The following SPAG16 variants were observed in gnomAD, a reference collection of about 807,000 sequenced individuals.
SPAG16 encodes sperm-associated antigen 16 protein.
Under a neutral mutation model 80.4 loss-of-function variants are expected in SPAG16, and 86 were observed. The observed-to-expected ratio is 1.07, with a 90% CI of 0.90 to 1.28. SPAG16 has a LOEUF of 1.28. Among genes scored for constraint, SPAG16 ranks in the 50% most tolerant of loss-of-function variants. The probability of loss-of-function intolerance (pLI) is 0.00; values close to 1 mark genes in which losing one functional copy is unlikely to be tolerated. For synonymous variants in SPAG16, 294 were observed against 265.9 expected, an observed-to-expected ratio of 1.11 and a Z score of -1.03; for missense variants, 870 against 765.3, an observed-to-expected ratio of 1.14 and a Z score of -1.61.
At chr2:213,819,281 T>G (rs574224488) in intron 10 of SPAG16, among the ~76,000 whole-genome samples, 35 of 152,340 alleles carry the variant, frequency 2.3e-4, no homozygotes, top group African/African-American at 8.2e-4. Flanking sequence ...TTCAAGCTAT[T>G]TTATTTCCTG....
At chr2:213,987,090 C>A (rs946161837) in intron 12 of SPAG16, among the ~76,000 whole-genome samples, 4 of 151,936 alleles carry the variant, frequency 2.6e-5, no homozygotes, top group Non-Finnish European at 4.4e-5. Flanking sequence ...AGTTCATTTC[C>A]TCAAGGTGGG....
intron 5 of SPAG16, among the ~76,000 whole-genome samples, chr2:213,323,167 G>A (rs114351575): frequency 1.2e-3 from 180 of 152,288 alleles, no homozygotes; most frequent in African/African-American, 4.1e-3. Context: ...TATGTCCGGC[G>A]CGGTGGCTTA....
At chr2:213,760,736 G>C (rs745756043) in intron 10 of SPAG16, among the ~76,000 whole-genome samples, 17 of 152,052 alleles carry the variant, frequency 1.1e-4, no homozygotes, top group Non-Finnish European at 2.2e-4. Context: ...ATTTTTTGCT[G>C]TTATAACAAA....
chr2:213,964,210 T>C (rs1176720086), intron 12 of SPAG16, among the ~76,000 whole-genome samples: 1 of 152,140 alleles, frequency 6.6e-6, no homozygotes, highest in South Asian at 2.1e-4. Context: ...GGTATATACA[T>C]GTAGTATATG....
chr2:214,391,794 C>G (rs1701095539), intron 15 of SPAG16, among the ~76,000 whole-genome samples: 1 of 152,172 alleles, frequency 6.6e-6, no homozygotes, highest in African/African-American at 2.4e-5. Context: ...AAGTTTGGAT[C>G]TGACACATTG....
At chr2:213,524,270 T>G (rs2075796050) in intron 10 of SPAG16, among the ~76,000 whole-genome samples, 1 of 152,186 alleles carries the variant, frequency 6.6e-6, no homozygotes, top group African/African-American at 2.4e-5. Flanking sequence ...AAATTGAGGT[T>G]TGGAGACCTC....
intron 8 of SPAG16, among the ~76,000 whole-genome samples, chr2:213,369,840 C>T (rs945164424): frequency 6.6e-6 from 1 of 152,132 alleles, no homozygotes; most frequent in Non-Finnish European, 1.5e-5. Flanking sequence ...ATAGCTTCCC[C>T]TATTATCAGC....
At chr2:214,049,296 C>G (rs1307020122) in intron 13 of SPAG16, among the ~76,000 whole-genome samples, 1 of 152,142 alleles carries the variant, frequency 6.6e-6, no homozygotes, top group Non-Finnish European at 1.5e-5. Context: ...ATCACATGAA[C>G]CGAAGCACCT....
chr2:213,817,823 G>C (rs2072655295), intron 10 of SPAG16, among the ~76,000 whole-genome samples: 1 of 152,104 alleles, frequency 6.6e-6, no homozygotes, highest in African/African-American at 2.4e-5. Context: ...CTAGAGATGG[G>C]AAAGAGGGAG....
chr2:213,535,771 A>C (rs191859807), intron 10 of SPAG16, among the ~76,000 whole-genome samples: 249 of 152,290 alleles, frequency 1.6e-3, no homozygotes, highest in African/African-American at 5.4e-3. Flanking sequence ...TTAAGAGTGC[A>C]GGCTAACAAA....
At chr2:213,834,194 A>G (rs969907912) in intron 10 of SPAG16, among the ~76,000 whole-genome samples, 10 of 152,138 alleles carry the variant, frequency 6.6e-5, no homozygotes, top group Non-Finnish European at 1.5e-4. Flanking sequence ...CTGTAAGTCC[A>G]ATTAAACCTC....
At chr2:213,590,257 G>T (rs1376623595) in intron 10 of SPAG16, among the ~76,000 whole-genome samples, 1 of 151,934 alleles carries the variant, frequency 6.6e-6, no homozygotes, top group East Asian at 1.9e-4. Context: ...TTGTTACATG[G>T]GTATATTGCA....
At chr2:213,689,029 G>A (rs1280005983) in intron 10 of SPAG16, among the ~76,000 whole-genome samples, 1 of 151,940 alleles carries the variant, frequency 6.6e-6, no homozygotes, top group Non-Finnish European at 1.5e-5. Context: ...GCTCGATCTT[G>A]GCCCACTGCA....
At chr2:213,558,491 C>T (rs943274947) in intron 10 of SPAG16, among the ~76,000 whole-genome samples, 74 of 150,516 alleles carry the variant, frequency 4.9e-4, no homozygotes, top group African/African-American at 1.7e-3. Flanking sequence ...TTGTGTTAGT[C>T]ATGTACAGGG....
At chr2:214,037,869 G>A (rs879895623) in intron 13 of SPAG16, among the ~76,000 whole-genome samples, 1,289 of 90,472 alleles carry the variant, frequency 0.014, 16 homozygotes, top group African/African-American at 0.019. Context: ...AGCCTGGTGT[G>A]TGTGTGTGTG....
chr2:213,952,782 A>C (rs1003547394), intron 12 of SPAG16, among the ~76,000 whole-genome samples: 2 of 152,096 alleles, frequency 1.3e-5, no homozygotes, highest in Non-Finnish European at 2.9e-5. Flanking sequence ...TTTGGACTTC[A>C]AAGAAATAAC....
chr2:214,326,990 T>C (rs998047766), intron 15 of SPAG16, among the ~76,000 whole-genome samples: 5 of 146,216 alleles, frequency 3.4e-5, no homozygotes, highest in Non-Finnish European at 7.5e-5. Flanking sequence ...TTCTGTATAC[T>C]AGTGTTGGTC....
At chr2:213,615,121 A>T (rs1284299909) in intron 10 of SPAG16, among the ~76,000 whole-genome samples, 7 of 152,254 alleles carry the variant, frequency 4.6e-5, no homozygotes, top group Non-Finnish European at 1.0e-4. Context: ...GCAAATACTT[A>T]CTGAACATAT....
chr2:213,513,820 A>G (rs2075324355), intron 10 of SPAG16, among the ~76,000 whole-genome samples: 1 of 152,040 alleles, frequency 6.6e-6, no homozygotes, highest in South Asian at 2.1e-4. Context: ...CTTCATATTT[A>G]TGAGTTGGCT....
Sources: gnomAD v4.1 joint callset for allele counts (sites outside exome capture counted in the v4.1 genomes callset) on GRCh38, gnomAD v4.1.1 for gene constraint, MANE v1.5 for transcripts, NCBI Gene and HGNC (gene_info 2026-07-23, HGNC 2026-07-21) for gene names.